ST6GALNAC3: variants seen among roughly 807,000 people sequenced by gnomAD.
ST6GALNAC3 encodes alpha-N-acetylgalactosaminide alpha-2,6-sialyltransferase 3.
ST6GALNAC3 carries 25 observed loss-of-function variants against 32.7 expected under a neutral mutation model. The ratio of observed to expected loss-of-function variants is 0.76; its 90% CI spans 0.56 to 1.07. The LOEUF is 1.07. ST6GALNAC3 is among the 50% of genes least tolerant of loss of function. The pLI, the probability that ST6GALNAC3 is intolerant of heterozygous loss-of-function variation, is 0.00. For missense variants in ST6GALNAC3, 355 were observed against 382.4 expected (o/e 0.93, Z 0.60); for synonymous variants, 129 against 133.1 (o/e 0.97, Z 0.21).
chr1:76,127,901 C>A (rs983198984), intron 1 of ST6GALNAC3, among the ~76,000 whole-genome samples: 1 of 152,138 alleles, frequency 6.6e-6, no homozygotes, highest in Non-Finnish European at 1.5e-5. Flanking sequence ...TTTACTCTCA[C>A]CTTTAAGGCC....
chr1:76,249,764 C>T (rs1029039837), intron 1 of ST6GALNAC3, among the ~76,000 whole-genome samples: 3 of 152,234 alleles, frequency 2.0e-5, no homozygotes, highest in Non-Finnish European at 4.4e-5. Flanking sequence ...GCCTTGTCAA[C>T]ACTTACTATT....
intron 3 of ST6GALNAC3, among the ~76,000 whole-genome samples, chr1:76,585,908 C>T (rs1344672278): frequency 6.6e-6 from 1 of 152,154 alleles, no homozygotes; most frequent in Non-Finnish European, 1.5e-5. Context: ...ACCCTGCCAC[C>T]TGCAAAAATC....
At chr1:76,402,155 C>T (rs1391711329) in intron 2 of ST6GALNAC3, among the ~76,000 whole-genome samples, 1 of 152,052 alleles carries the variant, frequency 6.6e-6, no homozygotes, top group Non-Finnish European at 1.5e-5. Flanking sequence ...AGTTGAATAT[C>T]TTCTGTACTT....
intron 3 of ST6GALNAC3, among the ~76,000 whole-genome samples, chr1:76,573,914 A>C (rs1646755602): frequency 6.6e-6 from 1 of 152,050 alleles, no homozygotes; most frequent in Non-Finnish European, 1.5e-5. Flanking sequence ...TGCAAGGAAA[A>C]TATTTGCTCT....
At chr1:76,361,376 A>C (rs1649920520) in intron 2 of ST6GALNAC3, among the ~76,000 whole-genome samples, 1 of 152,094 alleles carries the variant, frequency 6.6e-6, no homozygotes, top group Non-Finnish European at 1.5e-5. Context: ...AATGTTCTTA[A>C]GGATCATTCA....
chr1:76,357,702 C>G (rs1649597086), intron 2 of ST6GALNAC3, among the ~76,000 whole-genome samples: 1 of 152,132 alleles, frequency 6.6e-6, no homozygotes, highest in East Asian at 1.9e-4. Context: ...TGAGGGTAGC[C>G]ATCTGGTCCG....
At chr1:76,287,657 A>T (rs1306541827) in intron 1 of ST6GALNAC3, among the ~76,000 whole-genome samples, 1 of 152,166 alleles carries the variant, frequency 6.6e-6, no homozygotes, top group Non-Finnish European at 1.5e-5. Flanking sequence ...GGCATTATAA[A>T]AGCCAGCCTG....
intron 3 of ST6GALNAC3, among the ~76,000 whole-genome samples, chr1:76,424,791 G>A (rs975264570): frequency 6.6e-6 from 1 of 151,914 alleles, no homozygotes; most frequent in Non-Finnish European, 1.5e-5. Context: ...TTGATGCAAG[G>A]CAAGTTTGGG....
intron 1 of ST6GALNAC3, among the ~76,000 whole-genome samples, chr1:76,205,310 C>A (rs996973207): frequency 3.3e-5 from 5 of 152,140 alleles, no homozygotes; most frequent in Non-Finnish European, 5.9e-5. Context: ...GAAGAAAGAG[C>A]CCCTTGTACA....
chr1:76,077,712 G>A (rs1371485159), intron 1 of ST6GALNAC3, among the ~76,000 whole-genome samples: 1 of 152,172 alleles, frequency 6.6e-6, no homozygotes, highest in Admixed American at 6.5e-5. Context: ...TCCTCTTCCT[G>A]GCACAGGGAA....
chr1:76,095,947 A>G (rs1453674199), intron 1 of ST6GALNAC3, among the ~76,000 whole-genome samples: 2 of 152,140 alleles, frequency 1.3e-5, no homozygotes, highest in South Asian at 4.1e-4. Context: ...TGAAAACATG[A>G]ACAGCTGACA....
chr1:76,627,421 G>C, intron 3 of ST6GALNAC3, 31 bp from the exon 4 acceptor site: 1 of 1,418,400 alleles, frequency 7.1e-7, no homozygotes, highest in Non-Finnish European at 1.0e-6. Context: ...GTTTTGTTCT[G>C]TTTGTTATTG....
chr1:76,363,902 G>A (rs1650163116), intron 2 of ST6GALNAC3, among the ~76,000 whole-genome samples: 1 of 151,990 alleles, frequency 6.6e-6, no homozygotes, highest in East Asian at 1.9e-4. Flanking sequence ...ATACCAAGGG[G>A]GATGGCATTA....
intron 3 of ST6GALNAC3, among the ~76,000 whole-genome samples, chr1:76,520,850 A>T (rs1662484242): frequency 6.6e-6 from 1 of 152,176 alleles, no homozygotes; most frequent in African/African-American, 2.4e-5. Flanking sequence ...ACTGTTGTAC[A>T]CACATATAAA....
chr1:76,625,734 T>G (rs1414742468), intron 3 of ST6GALNAC3, among the ~76,000 whole-genome samples: 1 of 151,914 alleles, frequency 6.6e-6, no homozygotes, highest in Non-Finnish European at 1.5e-5. Context: ...TGTTCGTTAC[T>G]GTAGCTCACT....
intron 3 of ST6GALNAC3, among the ~76,000 whole-genome samples, chr1:76,451,344 G>A (rs1015661945): frequency 2.0e-5 from 3 of 152,158 alleles, no homozygotes; most frequent in Non-Finnish European, 4.4e-5. Context: ...GCAGATAAAA[G>A]AGTGTGTGCA....
chr1:76,406,956 G>A (rs1004403050), intron 2 of ST6GALNAC3, among the ~76,000 whole-genome samples: 5 of 151,986 alleles, frequency 3.3e-5, no homozygotes, highest in Non-Finnish European at 7.4e-5. Flanking sequence ...TGACTGACCT[G>A]TAATAGGCAT....
chr1:76,234,894 C>T (rs1449540558), intron 1 of ST6GALNAC3, among the ~76,000 whole-genome samples: 1 of 152,172 alleles, frequency 6.6e-6, no homozygotes, highest in Non-Finnish European at 1.5e-5. Flanking sequence ...GAGTCCTTCA[C>T]AAAAGTACCT....
intron 1 of ST6GALNAC3, among the ~76,000 whole-genome samples, chr1:76,231,922 C>T (rs1656381325): frequency 6.6e-6 from 1 of 152,116 alleles, no homozygotes; most frequent in Admixed American, 6.5e-5. Context: ...TTGTTTTAAG[C>T]CATTCATAAC....
Sources: allele counts gnomAD v4.1 joint callset (sites outside exome capture counted in the v4.1 genomes callset), GRCh38; gene constraint gnomAD v4.1.1; transcripts MANE v1.5; gene names NCBI Gene and HGNC (gene_info 2026-07-23, HGNC 2026-07-21).